The following POLR2F variants were observed in gnomAD, a reference collection of about 807,000 sequenced individuals.
POLR2F encodes the protein DNA-directed RNA polymerases I, II, and III subunit RPABC2.
Under a neutral mutation model 22.7 loss-of-function variants are expected in POLR2F, and 12 were observed. The ratio of observed to expected loss-of-function variants is 0.53; its 90% CI spans 0.34 to 0.86. The LOEUF (loss-of-function observed/expected upper bound fraction) is 0.86, where lower values mean the gene tolerates loss of function less well. Ranked by LOEUF, POLR2F falls within the 40% of genes least tolerant of loss-of-function variation. POLR2F has a pLI of 0.02. For synonymous variants in POLR2F, 57 were observed against 66.0 expected (o/e 0.86, Z 0.66); for missense variants, 126 against 171.5 (o/e 0.73, Z 1.48).
upstream of POLR2F, among the ~76,000 whole-genome samples, chr22:37,985,376 C>T (rs1932539662): frequency 6.6e-6 from 1 of 152,206 alleles, no homozygotes; most frequent in Non-Finnish European, 1.5e-5. Flanking sequence ...TCTACTCCCC[C>T]ACCCCAACAA....
intron 2 of POLR2F, 27 bp downstream of exon 2, chr22:37,956,869 C>T (rs1361484083): frequency 1.3e-6 from 2 of 1,569,988 alleles, no homozygotes; most frequent in African/African-American, 1.4e-5. Flanking sequence ...AGGCTCCCAC[C>T]TCTGCAGCCC....
At chr22:38,041,503 A>G (rs957101088), downstream of POLR2F, 4 of 250,930 alleles carry the variant, frequency 1.6e-5, no homozygotes, top group Non-Finnish European at 3.1e-5. Context: ...AGCCAAGGTC[A>G]AGTAATAACG....
chr22:37,991,920 C>A (rs1932735697), intron 1 of POLR2F, among the ~76,000 whole-genome samples: 2 of 152,178 alleles, frequency 1.3e-5, no homozygotes, highest in South Asian at 4.1e-4. Context: ...GTGCCTGTTA[C>A]ATAGGAGTGA....
At position 37,959,390 on chromosome 22, in the gene POLR2F, G is replaced by A. The variant is rs757279911; in HGVS notation, c.135G>A (p.Pro45=). The A allele has an allele frequency of 1.4e-5, 23 of 1,613,864 alleles. No individual in the cohort carries two copies. The highest frequency in any genetic ancestry group is 2.7e-5 in the African/African-American group (2 of 74,908). ...NVEILPSGER[P]QANQKRITTP... ...AGATCCTCCCCTCTGGGGAGCGACC[G>A]CAGGCCAACCAGAAGCGAATCACCA... The change falls in exon 3 of 5, where the codon CCG becomes CCA. Residue 45 remains proline (P), a synonymous_variant. Transcript: ENST00000442738.
chr22:37,979,307 A>G (rs897576971), intron 4 of POLR2F, among the ~76,000 whole-genome samples: 31 of 151,958 alleles, frequency 2.0e-4, no homozygotes, highest in African/African-American at 7.3e-4. Context: ...CATATTGGCC[A>G]GGCTGGTCTC....
chr22:37,976,092 G>C (rs1008496111), intron 4 of POLR2F, among the ~76,000 whole-genome samples: 2 of 152,016 alleles, frequency 1.3e-5, no homozygotes, highest in African/African-American at 4.8e-5. Flanking sequence ...GTGTGGTGGC[G>C]TGCATCTGTA....
downstream of POLR2F, among the ~76,000 whole-genome samples, chr22:37,969,898 T>C (rs531901152): frequency 2.0e-5 from 3 of 152,288 alleles, no homozygotes; most frequent in African/African-American, 7.2e-5. Context: ...TGAATCTTGA[T>C]TTTGACAAGG....
At chr22:38,014,568 C>G (rs2084900366) in intron 1 of POLR2F, among the ~76,000 whole-genome samples, 1 of 150,182 alleles carries the variant, frequency 6.7e-6, no homozygotes, top group African/African-American at 2.5e-5. Flanking sequence ...TCTCGGCTCA[C>G]TGTAACCACT....
intron 1 of POLR2F, among the ~76,000 whole-genome samples, chr22:37,999,043 C>T (rs1490158570): frequency 6.6e-6 from 1 of 152,124 alleles, no homozygotes; most frequent in Non-Finnish European, 1.5e-5. Context: ...CACCCAGGGC[C>T]TCCCCCTTCT....
At chr22:38,041,874 G>A (rs981111088), downstream of POLR2F, 1 of 152,142 alleles carries the variant, frequency 6.6e-6, no homozygotes. Context: ...GAATTGTATG[G>A]TATTTGAATT....
At chr22:38,026,582 C>T (rs903702982) in exon 3 of POLR2F, 9 of 304,912 alleles carry the variant, frequency 3.0e-5, no homozygotes, top group Middle Eastern at 1.2e-3. Context: ...ACCCCAAAGC[C>T]GCCCCCTCCC....
At chr22:37,953,941 C>T in intron 1 of POLR2F, 134 bp downstream of exon 1, 1 of 1,117,968 alleles carries the variant, frequency 8.9e-7, no homozygotes, top group Non-Finnish European at 1.2e-6. Context: ...GCCGGCGGAG[C>T]CGAGGAAGGG....
intron 1 of POLR2F, among the ~76,000 whole-genome samples, chr22:37,998,915 G>T (rs1382048707): frequency 6.6e-6 from 1 of 152,040 alleles, no homozygotes; most frequent in Non-Finnish European, 1.5e-5. Flanking sequence ...ATTAGGGTCT[G>T]GCTGGTACAG....
chr22:37,955,161 C>A (rs1354131495), intron 1 of POLR2F, among the ~76,000 whole-genome samples: 1 of 149,794 alleles, frequency 6.7e-6, no homozygotes, highest in Non-Finnish European at 1.5e-5. Flanking sequence ...CAAAGGACAC[C>A]ATGGAATTAG....
At chr22:38,041,426 C>T (rs187175456), downstream of POLR2F, 2 of 337,888 alleles carry the variant, frequency 5.9e-6, no homozygotes, top group East Asian at 5.3e-5. Flanking sequence ...GAGGGGAGGG[C>T]GGAATGAGCT....
At chr22:37,972,742 A>G (rs2145759127), downstream of POLR2F, 1 of 157,152 alleles carries the variant, frequency 6.4e-6, no homozygotes. Flanking sequence ...ATTGTCTCTG[A>G]TTCCTTTCCT....
chr22:37,981,426 ACTGCCACAC>A (rs1161329587), upstream of POLR2F, among the ~76,000 whole-genome samples: 1 of 152,186 alleles, frequency 6.6e-6, no homozygotes, highest in Non-Finnish European at 1.5e-5. Context: ...AGTTTTCCTG[ACTGCCACAC>A]CTCAGGCTGG....
chr22:38,025,452 A>T, intron 1 of POLR2F: 1 of 1,313,616 alleles, frequency 7.6e-7, no homozygotes, highest in South Asian at 1.9e-5. Flanking sequence ...TGATTCATAT[A>T]CACACACGTA....
intron 4 of POLR2F, among the ~76,000 whole-genome samples, chr22:37,976,819 A>T (rs1932234412): frequency 6.6e-6 from 1 of 152,158 alleles, no homozygotes; most frequent in Non-Finnish European, 1.5e-5. Context: ...GTTAGCTGTT[A>T]TTATCATTAA....
Sources: gnomAD v4.1 joint callset for allele counts (sites outside exome capture counted in the v4.1 genomes callset) on GRCh38, gnomAD v4.1.1 for gene constraint, MANE v1.5 for transcripts, NCBI Gene and HGNC (gene_info 2026-07-23, HGNC 2026-07-21) for gene names.